CANX: variants seen among roughly 807,000 people sequenced by gnomAD.
CANX encodes calnexin, also known as epididymis secretory sperm binding protein.
Under a neutral mutation model 75.7 loss-of-function variants are expected in CANX, and 14 were observed. The observed-to-expected ratio is 0.19, with a 90% CI of 0.12 to 0.29. The LOEUF (loss-of-function observed/expected upper bound fraction) is 0.29. Among genes scored for constraint, CANX ranks in the 10% least tolerant of loss-of-function variants. The probability of loss-of-function intolerance (pLI) is 1.00; values close to 1 mark genes in which losing one functional copy is unlikely to be tolerated. For synonymous variants in CANX, 227 were observed against 236.9 expected (o/e 0.96, Z 0.38); for missense variants, 567 against 713.2 (o/e 0.79, Z 2.34).
upstream of CANX, among the ~76,000 whole-genome samples, chr5:179,695,695 G>A (rs993034198): frequency 2.7e-5 from 4 of 149,618 alleles, no homozygotes; most frequent in African/African-American, 9.9e-5. Flanking sequence ...TTGTCGCCCA[G>A]GCTGGAGTGC....
intron 10 of CANX, among the ~76,000 whole-genome samples, chr5:179,720,886 C>T (rs1004219222): frequency 3.3e-5 from 5 of 152,130 alleles, no homozygotes; most frequent in South Asian, 2.1e-4. Context: ...CGGTTTCAAG[C>T]GATTCTCTTG....
chr5:179,723,911 TTCAGAAACCTTACTTAC>T (rs1282728090), intron 12 of CANX, 132 bp downstream of exon 12: 2 of 741,106 alleles, frequency 2.7e-6, no homozygotes, highest in Non-Finnish European at 4.2e-6. Flanking sequence ...TGGTGTTGAC[TTCAGAAACCTTACTTAC>T]TGTTCCTCAG....
At position 179,699,084 on chromosome 5, in the gene CANX, G is replaced by A. The variant is rs1312521274; in HGVS notation, c.-22G>A. 1.6e-5 allele frequency: 17 copies of A among 1,084,630 alleles called. No homozygotes were observed. Among genetic ancestry groups the A allele is most frequent in the Non-Finnish European group, 1.9e-5 (17 of 886,316 alleles). The allele number at this position is 1,084,630 out of a possible 1,614,324, so 67.2% of individuals were successfully genotyped here. ...CGGGAAGGGGCACGGGCACCCCCGC[G>A]GTCCCCGGGAGGCTAGAGGTGAGAG... On this transcript the variant is annotated 5_prime_UTR_variant, in exon 1 of 15. Coordinates refer to ENST00000247461, the MANE Select transcript of CANX (RefSeq NM_001746.4).
At chr5:179,685,545 G>GTTTTTT in intron 1 of CANX, among the ~76,000 whole-genome samples, 2 of 113,410 alleles carry the variant, frequency 1.8e-5, no homozygotes, top group Non-Finnish European at 1.8e-5. Context: ...ACCGCGCCCA[G>GTTTTTT]CTTTTTTTTT....
At chr5:179,684,390 CTT>C (rs559968980) in intron 1 of CANX, among the ~76,000 whole-genome samples, 14 of 134,876 alleles carry the variant, frequency 1.0e-4, no homozygotes, top group Non-Finnish European at 1.1e-4. Context: ...GCTAGTAAGC[CTT>C]TTTTTTTTTT....
At chr5:179,697,585 C>G (rs1367387086), upstream of CANX, among the ~76,000 whole-genome samples, 1 of 152,176 alleles carries the variant, frequency 6.6e-6, no homozygotes, top group Non-Finnish European at 1.5e-5. Context: ...CCCAGGTAGA[C>G]AGGAAACCAA....
intron 1 of CANX, chr5:179,678,878 A>T (rs1247099182): frequency 1.4e-5 from 21 of 1,536,052 alleles, no homozygotes; most frequent in Non-Finnish European, 1.8e-5. Flanking sequence ...CGTCCTCGCC[A>T]GCTGGCTCTC....
At position 179,708,421 on chromosome 5, in the gene CANX, G is replaced by C. The variant is rs749633041; in HGVS notation, c.446+41G>C. ...GTTGGATAAAAGCTTTCTGCAAAGGGTAATCTTAGAAGACATTATGTAACT... is the reference window on the plus strand; with the variant it reads ...GTTGGATAAAAGCTTTCTGCAAAGGCTAATCTTAGAAGACATTATGTAACT... On this transcript the variant is annotated intron_variant, in intron 5 of 14. Transcript: ENST00000247461. 29 of 1,578,884 alleles carry C rather than the reference G, an allele frequency of 1.8e-5. No individual in the cohort carries two copies. The Admixed American group carries it at 4.2e-4, about 23-fold the overall frequency.
chr5:179,721,047 G>C (rs537983201), intron 10 of CANX, among the ~76,000 whole-genome samples: 1 of 151,886 alleles, frequency 6.6e-6, no homozygotes, highest in African/African-American at 2.4e-5. Context: ...CTCCTAAAGT[G>C]CTGGGATTAC....
chr5:179,727,710 G>A (rs1778755752), intron 14 of CANX, among the ~76,000 whole-genome samples: 2 of 152,142 alleles, frequency 1.3e-5, no homozygotes, highest in African/African-American at 4.8e-5. Flanking sequence ...GGAGAATCAG[G>A]GCGACCAGTT....
chr5:179,722,705 C>T, intron 10 of CANX, 99 bp from the exon 11 acceptor site: 1 of 703,648 alleles, frequency 1.4e-6, no homozygotes, highest in South Asian at 1.8e-5. Flanking sequence ...GTTGGCATTT[C>T]TCTCCATTGT....
chr5:179,699,588 C>T (rs752343138), intron 1 of CANX: 8 of 152,210 alleles, frequency 5.3e-5, no homozygotes, highest in Non-Finnish European at 7.3e-5. Flanking sequence ...AGACTGGACC[C>T]TAGTTCCCTG....
In CANX at chr5:179,729,474, C is replaced by T. The variant is rs1712363975; in HGVS notation, c.*830C>T. 6.5e-6 allele frequency: 1 copy of T among 152,900 alleles called. No homozygotes were observed. Among genetic ancestry groups the T allele is most frequent in the South Asian group, 2.1e-4 (1 of 4,830 alleles). The allele number at this position is 152,900 out of a possible 1,614,324, so 9.5% of individuals were successfully genotyped here. ...GCTAGCAGGGCATGGCACGTGAGCT[C>T]CGGAATAGATGTCTTCATCACTTCT... On this transcript the variant is annotated 3_prime_UTR_variant, in exon 15 of 15. Coordinates refer to ENST00000247461, the MANE Select transcript of CANX (RefSeq NM_001746.4).
At chr5:179,720,299 A>T in intron 9 of CANX, 105 bp from the exon 10 acceptor site, 1 of 706,520 alleles carries the variant, frequency 1.4e-6, no homozygotes, top group Non-Finnish European at 2.4e-6. Context: ...GGTCTGGGAT[A>T]CTGTGAAAAC....
intron 1 of CANX, among the ~76,000 whole-genome samples, chr5:179,701,512 G>T (rs1385446463): frequency 1.3e-5 from 2 of 151,746 alleles, no homozygotes; most frequent in Non-Finnish European, 2.9e-5. Flanking sequence ...GGAGGTTGCA[G>T]TGAGCGGAGA....
At chr5:179,699,127 C>A in intron 1 of CANX, 25 bp downstream of exon 1, 2 of 1,025,700 alleles carry the variant, frequency 1.9e-6, no homozygotes, top group Non-Finnish European at 1.2e-6. Flanking sequence ...CTGAGCGCGT[C>A]CTCGGGCCTG....
intron 1 of CANX, chr5:179,700,969 TCTC>T (rs1776708571): frequency 6.6e-6 from 1 of 151,932 alleles, no homozygotes; most frequent in Admixed American, 6.6e-5. Context: ...TTCACGCCAT[TCTC>T]CTGCCTCAGC....
chr5:179,703,689 C>T (rs188044089), intron 1 of CANX, among the ~76,000 whole-genome samples: 388 of 148,108 alleles, frequency 2.6e-3, no homozygotes, highest in Non-Finnish European at 4.2e-3. Flanking sequence ...TTTATGTTGG[C>T]CAGGCTGGGA....
Position 179,728,918 on chromosome 5 carries a change from TA to T in CANX, c.*276del, listed in dbSNP as rs1778835899. 1 of 450,948 alleles carries T rather than the reference TA, an allele frequency of 2.2e-6. No individual in the cohort carries two copies. The highest frequency in any genetic ancestry group is 4.8e-5 in the East Asian group (1 of 21,036). 27.9% of individuals were successfully genotyped at this position (450,948 alleles called of 1,614,324 possible). ...TGAAGCAAACTAACTTTTTTTTTTTTAACATCTTTGTTTTTAAAATAGAATG... is the reference window on the plus strand; with the variant it reads ...TGAAGCAAACTAACTTTTTTTTTTTTACATCTTTGTTTTTAAAATAGAATG... On this transcript the variant is annotated 3_prime_UTR_variant, in exon 15 of 15. Transcript: ENST00000247461.
Sources: allele counts gnomAD v4.1 joint callset (sites outside exome capture counted in the v4.1 genomes callset), GRCh38; gene constraint gnomAD v4.1.1; transcripts MANE v1.5; gene names NCBI Gene and HGNC (gene_info 2026-07-23, HGNC 2026-07-21).